Variants in PTGES3 observed in about 807,000 individuals in gnomAD.
PTGES3 encodes the protein Hsp90 co-chaperone.
A neutral mutation model predicts 29.9 loss-of-function variants in PTGES3; 5 were observed. The observed-to-expected ratio is 0.17, with a 90% CI of 0.09 to 0.35. The LOEUF is 0.35. PTGES3 is among the 10% of genes least tolerant of loss of function. PTGES3 has a pLI of 1.00. For synonymous variants in PTGES3, 49 were observed against 57.8 expected (o/e 0.85, Z 0.69); for missense variants, 128 against 190.0 (o/e 0.67, Z 1.92).
At position 56,663,394 on chromosome 12, in the gene PTGES3, A is replaced by C. The variant is rs1315098552; in HGVS notation, c.*1085T>G. The C allele has an allele frequency of 2.0e-5, 3 of 151,974 alleles. No homozygotes were observed. Among genetic ancestry groups the C allele is most frequent in the South Asian group, 2.1e-4 (1 of 4,838 alleles). The allele number at this position is 151,974 out of a possible 1,614,324, so 9.4% of individuals were successfully genotyped here. A position where few individuals can be genotyped will look rare whatever the true frequency, so the allele number is the denominator to read the frequency against. On this transcript the variant is annotated 3_prime_UTR_variant, in exon 8 of 8. Coordinates refer to ENST00000262033, the MANE Select transcript of PTGES3 (RefSeq NM_006601.7). The stretch of plus-strand genomic sequence containing the variant: ...AGTTTTATTTCAATCAAATCACACA[A>C]CACTTTCTTTTCCAACTGCTGCAAA...
chr12:56,670,376 T>C lies in PTGES3; in HGVS notation c.286-12A>G. The C allele has an allele frequency of 6.4e-7, 1 of 1,569,554 alleles. No homozygotes were observed. Among genetic ancestry groups the C allele is most frequent in the Middle Eastern group, 1.7e-4 (1 of 5,986 alleles). ...CTAAGCCAATTAAGCTATAAATCAATACAAATATCACCCTAAGATTAGGCT... is the reference window on the plus strand; with the variant it reads ...CTAAGCCAATTAAGCTATAAATCAACACAAATATCACCCTAAGATTAGGCT... On this transcript the variant is annotated splice_polypyrimidine_tract_variant and intron_variant, in intron 4 of 7. Transcript: ENST00000262033.
intron 1 of PTGES3, among the ~76,000 whole-genome samples, chr12:56,686,426 T>C (rs932401397): frequency 3.9e-5 from 6 of 152,168 alleles, no homozygotes; most frequent in Middle Eastern, 3.4e-3. Flanking sequence ...CAGGCTGGAG[T>C]GCAATGGCAT....
At chr12:56,684,876 A>T (rs1294273562) in intron 1 of PTGES3, among the ~76,000 whole-genome samples, 2 of 152,306 alleles carry the variant, frequency 1.3e-5, no homozygotes, top group East Asian at 3.9e-4. Flanking sequence ...GAAATCGCTG[A>T]AGAGCAAATG....
chr12:56,664,739 G>C lies in PTGES3; in HGVS notation c.463+37C>G, dbSNP rs373419420. ...TTTTGAGTTTGTTTTTTGATGCAAAGTATCACTGTATAAACATACTTTTTA... is the reference window on the plus strand; with the variant it reads ...TTTTGAGTTTGTTTTTTGATGCAAACTATCACTGTATAAACATACTTTTTA... On this transcript the variant is annotated intron_variant, in intron 7 of 7. Coordinates refer to ENST00000262033, the MANE Select transcript of PTGES3 (RefSeq NM_006601.7). The C allele has an allele frequency of 6.3e-5, 98 of 1,565,906 alleles. No individual in the cohort carries two copies. In the African/African-American group the frequency reaches 1.3e-3, roughly 21 times the overall value.
At chr12:56,673,279 G>C (rs756873096) in intron 1 of PTGES3, among the ~76,000 whole-genome samples, 1 of 151,988 alleles carries the variant, frequency 6.6e-6, no homozygotes, top group African/African-American at 2.4e-5. Context: ...TAATAGGAAA[G>C]ATTTAAAAAC....
chr12:56,687,958 C>T (rs372611273), intron 1 of PTGES3, 40 bp downstream of exon 1: 18 of 1,603,364 alleles, frequency 1.1e-5, no homozygotes, highest in Non-Finnish European at 1.5e-5. Flanking sequence ...CGGCCTCGGC[C>T]TCACTCGGCG....
rs181185562 is a variant in PTGES3 at position 56,664,649 on chromosome 12, T to C, written c.463+127A>G. 2.2e-6 allele frequency: 3 copies of C among 1,384,182 alleles called. No homozygotes were observed. The Admixed American group carries it at 7.1e-5, about 33-fold the overall frequency. 85.7% of individuals were successfully genotyped at this position (1,384,182 alleles called of 1,614,324 possible). The stretch of plus-strand genomic sequence containing the variant: ...GCTATCAAGTTATTCACATTTCTGC[T>C]TTGGTTATTTATTCAAGGTCATAAA... On this transcript the variant is annotated intron_variant, in intron 7 of 7. Transcript: ENST00000262033.
At chr12:56,666,303 T>C (rs184193632) in intron 5 of PTGES3, 37 bp from the exon 6 acceptor site, 1 of 1,596,874 alleles carries the variant, frequency 6.3e-7, no homozygotes, top group Non-Finnish European at 8.5e-7. Flanking sequence ...AAAAATGATG[T>C]TAAGTTAGGC....
chr12:56,675,521 CA>C (rs58270146), intron 1 of PTGES3, among the ~76,000 whole-genome samples: 31,089 of 91,948 alleles, frequency 0.34, 4,365 homozygotes, highest in African/African-American at 0.49. Flanking sequence ...AGAATGAGAC[CA>C]AAAAAAAAAA....
At chr12:56,679,838 C>G (rs895659004) in intron 1 of PTGES3, among the ~76,000 whole-genome samples, 1 of 152,018 alleles carries the variant, frequency 6.6e-6, no homozygotes, top group Admixed American at 6.6e-5. Context: ...CCATGCCCGG[C>G]TAATTTTTGT....
chr12:56,686,821 T>C (rs1249722807), intron 1 of PTGES3: 8 of 398,168 alleles, frequency 2.0e-5, no homozygotes, highest in African/African-American at 4.1e-5. Flanking sequence ...TTCTAGCCAA[T>C]ATACTCAGCC....
At chr12:56,676,899 TGA>T (rs1383310270) in intron 1 of PTGES3, among the ~76,000 whole-genome samples, 5 of 112,476 alleles carry the variant, frequency 4.4e-5, no homozygotes, top group Admixed American at 1.4e-4. Context: ...GCAGCCTGGG[TGA>T]GAGAGTGAGA....
At chr12:56,684,402 C>CA (rs1952728376) in intron 1 of PTGES3, among the ~76,000 whole-genome samples, 1 of 152,166 alleles carries the variant, frequency 6.6e-6, no homozygotes, top group South Asian at 2.1e-4. Flanking sequence ...CAATACTGAA[C>CA]AAAGGCCACC....
At chr12:56,670,386 A>C in intron 4 of PTGES3, 22 bp from the exon 5 acceptor site, 6 of 1,536,070 alleles carry the variant, frequency 3.9e-6, no homozygotes, top group Non-Finnish European at 5.4e-6. Context: ...TACAAATATC[A>C]CCCTAAGATT....
chr12:56,688,081 G>C lies in PTGES3; in HGVS notation c.-82C>G, dbSNP rs1049927596. 3 of 1,444,428 alleles carry C rather than the reference G, an allele frequency of 2.1e-6. No individual in the cohort carries two copies. 89.5% of individuals were successfully genotyped at this position (1,444,428 alleles called of 1,614,324 possible). ...GCTGCTAGGGAGTCGACTTCTCTCC[G>C]GTGGCGACTCCGCTTTTTCTCTCCG... On this transcript the variant is annotated 5_prime_UTR_variant, in exon 1 of 8. Transcript: ENST00000262033.
chr12:56,675,906 G>C (rs1272391334), intron 1 of PTGES3, among the ~76,000 whole-genome samples: 20 of 151,930 alleles, frequency 1.3e-4, no homozygotes, highest in Admixed American at 1.3e-3. Context: ...CTGGACAACA[G>C]CGTGAAACTC....
In PTGES3 at chr12:56,664,227, C is replaced by A. The variant is rs537010205; in HGVS notation, c.*252G>T. On this transcript the variant is annotated 3_prime_UTR_variant, in exon 8 of 8. Coordinates refer to ENST00000262033, the MANE Select transcript of PTGES3 (RefSeq NM_006601.7). ...CTGCATTAATTGCCTAGGACCTCAA[C>A]AGCTTCATGAAAGTCTGGGAAATGT... The A allele has an allele frequency of 1.6e-5, 6 of 382,052 alleles. No homozygotes were observed. Among genetic ancestry groups the A allele is most frequent in the African/African-American group, 1.1e-4 (5 of 46,182 alleles). The allele number at this position is 382,052 out of a possible 1,614,324, so 23.7% of individuals were successfully genotyped here. A position where few individuals can be genotyped will look rare whatever the true frequency, so the allele number is the denominator to read the frequency against.
intron 1 of PTGES3, among the ~76,000 whole-genome samples, chr12:56,679,513 T>C (rs1221933149): frequency 6.6e-6 from 1 of 152,032 alleles, no homozygotes; most frequent in Non-Finnish European, 1.5e-5. Context: ...GGTGGAAAGT[T>C]TTGAATCTAT....
At chr12:56,666,430 T>C (rs751092038) in intron 5 of PTGES3, among the ~76,000 whole-genome samples, 164 bp from the exon 6 acceptor site, 62 of 152,164 alleles carry the variant, frequency 4.1e-4, no homozygotes, top group Non-Finnish European at 7.5e-4. Context: ...TTATAGGTAA[T>C]TATACAAAAT....
Sources: gnomAD v4.1 joint callset for allele counts (sites outside exome capture counted in the v4.1 genomes callset) on GRCh38, gnomAD v4.1.1 for gene constraint, MANE v1.5 for transcripts, NCBI Gene and HGNC (gene_info 2026-07-23, HGNC 2026-07-21) for gene names.